Variants in METTL22 observed in about 807,000 individuals in gnomAD.
The protein encoded by METTL22 is methyltransferase-like protein 22.
METTL22 carries 51 observed loss-of-function variants against 48.4 expected under a neutral mutation model. The ratio of observed to expected loss-of-function variants is 1.05; its 90% CI spans 0.84 to 1.33. The LOEUF is 1.33. Ranked by LOEUF, METTL22 falls within the 40% of genes most tolerant of loss-of-function variation. The pLI is 0.00. For synonymous variants in METTL22, 255 were observed against 214.1 expected (o/e 1.19, Z -1.67); for missense variants, 678 against 526.9 (o/e 1.29, Z -2.81).
At chr16:8,628,599 G>A (rs2056142868) in intron 2 of METTL22, 131 bp from the exon 3 acceptor site, 1 of 1,255,484 alleles carries the variant, frequency 8.0e-7, no homozygotes, top group East Asian at 2.5e-5. Context: ...CTTTTCTGCT[G>A]GCATTAGTAT....
chr16:8,634,668 A>G (rs1012365918), intron 3 of METTL22, among the ~76,000 whole-genome samples: 1 of 152,238 alleles, frequency 6.6e-6, no homozygotes, highest in East Asian at 1.9e-4. Context: ...GTAGTATATA[A>G]ATTAATATAT....
intron 5 of METTL22, among the ~76,000 whole-genome samples, chr16:8,637,446 A>G (rs2056456826): frequency 6.6e-6 from 1 of 152,284 alleles, no homozygotes; most frequent in Non-Finnish European, 1.5e-5. Context: ...AGCATGGGGA[A>G]GAAAGCTTGC....
At chr16:8,657,593 A>C in the METTL22 span, among the ~76,000 whole-genome samples, 1 of 152,164 alleles carries the variant, frequency 6.6e-6, no homozygotes, top group Non-Finnish European at 1.5e-5. Flanking sequence ...TGAGAAACTG[A>C]AGACAAAGGA....
At chr16:8,666,581 A>G in the METTL22 span, among the ~76,000 whole-genome samples, 2 of 152,238 alleles carry the variant, frequency 1.3e-5, no homozygotes, top group African/African-American at 2.4e-5. Context: ...CACTCATGAA[A>G]TCTCTGAGAT....
chr16:8,631,664 A>G (rs895430752), intron 3 of METTL22: 6 of 152,280 alleles, frequency 3.9e-5, no homozygotes, highest in Non-Finnish European at 1.5e-5. Flanking sequence ...CTAGAGACCC[A>G]GTTTGCAAAT....
rs185554591 is a variant in METTL22, at chr16:8,629,811, G to T, written c.514+701G>T. On this transcript the variant is annotated intron_variant, in intron 3 of 10. Transcript: ENST00000381920. ...CACTCTAGAAACACCGGGAGCAGTA[G>T]GGAGCTGGGCCAGGAAGTGATCGGT... Among the ~76,000 whole-genome samples, 159 of 152,286 alleles carry T rather than the reference G, an allele frequency of 1.0e-3. 2 individuals carry two copies. Among genetic ancestry groups the T allele is most frequent in the Admixed American group, 0.01 (156 of 15,302 alleles).
chr16:8,640,371 C>T lies in METTL22; in HGVS notation c.773-760C>T, dbSNP rs995697082. Among the ~76,000 whole-genome samples the T allele has an allele frequency of 3.3e-5, 5 of 152,000 alleles. No homozygotes were observed. In the East Asian group the frequency reaches 9.8e-4, roughly 30 times the overall value. Reference sequence around the variant, plus strand: ...GTCTTGCCGTTGTTGGTTAACCTGCCAGTCTCTCCTAGGGGAGCTGGTCTG... The same window carrying T: ...GTCTTGCCGTTGTTGGTTAACCTGCTAGTCTCTCCTAGGGGAGCTGGTCTG... On this transcript the variant is annotated intron_variant, in intron 6 of 10. Transcript: ENST00000381920.
chr16:8,640,178 T>C (rs2056552576), intron 6 of METTL22, among the ~76,000 whole-genome samples: 2 of 152,232 alleles, frequency 1.3e-5, no homozygotes, highest in Admixed American at 6.5e-5. Flanking sequence ...TGCTCTGCAC[T>C]GTCACAATGT....
the METTL22 span, among the ~76,000 whole-genome samples, chr16:8,658,256 C>A: frequency 6.6e-6 from 1 of 152,178 alleles, no homozygotes; most frequent in Non-Finnish European, 1.5e-5. Context: ...AAGGAAGAAC[C>A]CTCCCCTTGA....
chr16:8,642,031 T>A, intron 7 of METTL22, 96 bp from the exon 8 acceptor site: 1 of 960,952 alleles, frequency 1.0e-6, no homozygotes. Flanking sequence ...CCCAGCCCTG[T>A]TTCTTCTCTT....
At chr16:8,653,128 A>G (rs1318094142), downstream of METTL22, among the ~76,000 whole-genome samples, 2 of 152,140 alleles carry the variant, frequency 1.3e-5, no homozygotes, top group Non-Finnish European at 2.9e-5. Context: ...GGCCTTCCAG[A>G]CTGTGCTGTT....
intron 5 of METTL22, among the ~76,000 whole-genome samples, chr16:8,638,360 C>A (rs1641046): frequency 0.99 from 150,364 of 152,270 alleles, 74,276 homozygotes; most frequent in Middle Eastern, 1. Context: ...AACAAGACAT[C>A]CTGTACTTTC....
chr16:8,634,931 C>G (rs1356993343), intron 3 of METTL22, 108 bp from the exon 4 acceptor site: 2 of 1,450,106 alleles, frequency 1.4e-6, no homozygotes, highest in Non-Finnish European at 1.9e-6. Context: ...ATTCCAACCT[C>G]TGACGCCCAT....
At chr16:8,656,021 C>T in the METTL22 span, among the ~76,000 whole-genome samples, 3 of 152,198 alleles carry the variant, frequency 2.0e-5, no homozygotes, top group Non-Finnish European at 2.9e-5. Context: ...TGCTCTAACA[C>T]AGTGTTCTCC....
At chr16:8,641,406 T>C in intron 7 of METTL22, 1 of 644,310 alleles carries the variant, frequency 1.6e-6, no homozygotes. Context: ...TCTCCAGGTG[T>C]TGTGGTTTCC....
In METTL22 at chr16:8,641,254, C is replaced by G. The variant is rs115972874; in HGVS notation, c.826+70C>G. 2,027 of 1,514,618 alleles carry G rather than the reference C, an allele frequency of 1.3e-3. 25 individuals carry two copies. In the African/African-American group the frequency reaches 0.025, roughly 19 times the overall value. The allele number at this position is 1,514,618 out of a possible 1,614,324, so 93.8% of individuals were successfully genotyped here. ...CTTTGTAATACCTCAGTGCCCCTGG[C>G]TCTGTGGTTTTGACAGAGCTGTAGT... On this transcript the variant is annotated intron_variant, in intron 7 of 10. Coordinates refer to ENST00000381920, the MANE Select transcript of METTL22 (RefSeq NM_024109.4).
In METTL22 at chr16:8,628,965, C is replaced by T. The variant is rs115820817; in HGVS notation, c.369C>T (p.Asp123=). The T allele has an allele frequency of 2.3e-3, 3,658 of 1,614,000 alleles. 87 individuals carry two copies. In the African/African-American group the frequency reaches 0.042, roughly 18 times the overall value. ...AGCTGGATGAGGATGGGGATTTGGACGTGGTGAGAAGACCACGAGCCGCCT... is the reference window on the plus strand; with the variant it reads ...AGCTGGATGAGGATGGGGATTTGGATGTGGTGAGAAGACCACGAGCCGCCT... ...EAQLDEDGDL[D]VVRRPRAASD... is the part of the protein sequence containing the mutation. The change falls in exon 3 of 11, where the codon GAC becomes GAT. Residue 123 remains aspartate, a synonymous_variant. Coordinates refer to ENST00000381920, the MANE Select transcript of METTL22 (RefSeq NM_024109.4).
chr16:8,626,529 A>C (rs1339215684), intron 2 of METTL22, among the ~76,000 whole-genome samples: 1 of 147,580 alleles, frequency 6.8e-6, no homozygotes, highest in African/African-American at 2.5e-5. Flanking sequence ...GCTCACTGCA[A>C]CCTCCGCCTC....
At chr16:8,634,104 A>C (rs1425883554) in intron 3 of METTL22, among the ~76,000 whole-genome samples, 1 of 152,250 alleles carries the variant, frequency 6.6e-6, no homozygotes, top group Non-Finnish European at 1.5e-5. Context: ...AATCTAGCCA[A>C]GATGCTGGTG....
Sources: gnomAD v4.1 joint callset for allele counts (sites outside exome capture counted in the v4.1 genomes callset) on GRCh38, gnomAD v4.1.1 for gene constraint, MANE v1.5 for transcripts, NCBI Gene and HGNC (gene_info 2026-07-23, HGNC 2026-07-21) for gene names.